TAFA5: variants seen among roughly 807,000 people sequenced by gnomAD.
The protein encoded by TAFA5 is chemokine-like protein TAFA-5.
Under a neutral mutation model 15.3 loss-of-function variants are expected in TAFA5, and 6 were observed. The ratio of observed to expected loss-of-function variants is 0.39; its 90% CI spans 0.21 to 0.77. The LOEUF is 0.77. Ranked by LOEUF, TAFA5 falls within the 30% of genes least tolerant of loss-of-function variation. The pLI, the probability that TAFA5 is intolerant of heterozygous loss-of-function variation, is 0.41. For synonymous variants in TAFA5, 103 were observed against 80.7 expected (o/e 1.28, Z -1.48); for missense variants, 161 against 193.1 (o/e 0.83, Z 0.98).
At chr22:48,656,728 A>T (rs868357810) in intron 2 of TAFA5, among the ~76,000 whole-genome samples, 20 of 96,576 alleles carry the variant, frequency 2.1e-4, no homozygotes, top group African/African-American at 6.8e-4. Context: ...ATGGAGTCTC[A>T]TTTTTTTTTC....
At chr22:48,687,339 A>G (rs995191029) in intron 2 of TAFA5, among the ~76,000 whole-genome samples, 1 of 147,788 alleles carries the variant, frequency 6.8e-6, no homozygotes, top group African/African-American at 2.5e-5. Flanking sequence ...AGGTGGATGG[A>G]TGGATTAGTG....
intron 1 of TAFA5, among the ~76,000 whole-genome samples, chr22:48,582,807 AAATACACCACACACCACACAC>A (rs1392151069): frequency 5.4e-5 from 6 of 111,068 alleles, no homozygotes; most frequent in African/African-American, 1.8e-4. Flanking sequence ...ACCACACATG[AAATACACCACACACCACACAC>A]AATAAACCAC....
intron 1 of TAFA5, among the ~76,000 whole-genome samples, chr22:48,557,638 TCCCTGAAGATG>T (rs2147130195): frequency 6.6e-6 from 1 of 152,252 alleles, no homozygotes; most frequent in East Asian, 1.9e-4. Context: ...TAGCTAAGGC[TCCCTGAAGATG>T]CCAGGCCACA....
At chr22:48,524,921 C>A (rs1481844904) in intron 1 of TAFA5, among the ~76,000 whole-genome samples, 1 of 152,150 alleles carries the variant, frequency 6.6e-6, no homozygotes, top group Non-Finnish European at 1.5e-5. Context: ...GCGCGGGTTT[C>A]CTGTGGGTAG....
At chr22:48,523,068 G>A (rs1304076738) in intron 1 of TAFA5, among the ~76,000 whole-genome samples, 2 of 152,206 alleles carry the variant, frequency 1.3e-5, no homozygotes, top group African/African-American at 4.8e-5. Flanking sequence ...GTGGAGGATG[G>A]CCAGGCTGGA....
chr22:48,626,447 A>G (rs1421758695), intron 1 of TAFA5, among the ~76,000 whole-genome samples: 1 of 152,130 alleles, frequency 6.6e-6, no homozygotes, highest in Non-Finnish European at 1.5e-5. Flanking sequence ...ATGGCAGATG[A>G]TGTTGAGCAA....
intron 1 of TAFA5, among the ~76,000 whole-genome samples, chr22:48,641,578 C>T (rs958894539): frequency 4.1e-5 from 6 of 145,690 alleles, no homozygotes; most frequent in African/African-American, 7.6e-5. Context: ...TCCCCCTGCA[C>T]GCCCTCCCCT....
At chr22:48,509,401 C>T (rs548577938) in intron 1 of TAFA5, among the ~76,000 whole-genome samples, 220 of 152,312 alleles carry the variant, frequency 1.4e-3, no homozygotes, top group Admixed American at 3.0e-3. Context: ...TTGTCCACAA[C>T]GGCTGTACTG....
intron 1 of TAFA5, among the ~76,000 whole-genome samples, chr22:48,619,443 C>T (rs922086919): frequency 1.3e-5 from 2 of 152,252 alleles, no homozygotes; most frequent in African/African-American, 4.8e-5. Flanking sequence ...GCAACCTCCG[C>T]CTCCCAGGTT....
At chr22:48,712,433 C>T (rs1225814917) in intron 3 of TAFA5, among the ~76,000 whole-genome samples, 5 of 152,200 alleles carry the variant, frequency 3.3e-5, no homozygotes, top group Non-Finnish European at 7.3e-5. Flanking sequence ...TCATGACCAG[C>T]ATTTAAAAGG....
chr22:48,624,207 T>C (rs1925948854), intron 1 of TAFA5, among the ~76,000 whole-genome samples: 1 of 152,218 alleles, frequency 6.6e-6, no homozygotes, highest in Non-Finnish European at 1.5e-5. Flanking sequence ...AATCGGGCTG[T>C]GGGTGTTTGG....
At chr22:48,562,622 C>G (rs1923277007) in intron 1 of TAFA5, among the ~76,000 whole-genome samples, 1 of 152,128 alleles carries the variant, frequency 6.6e-6, no homozygotes, top group Non-Finnish European at 1.5e-5. Context: ...CCCCCGGGGC[C>G]CGGTCACAGC....
rs143595763 is a variant in TAFA5 at position 48,672,179 on chromosome 22, G to A, written c.262+25433G>A. Among the ~76,000 whole-genome samples the A allele has an allele frequency of 8.3e-3, 1,271 of 152,306 alleles. 19 individuals are homozygous for A. Among genetic ancestry groups the A allele is most frequent in the African/African-American group, 0.029 (1,191 of 41,566 alleles). ...GTCAACAGCCTTTGTTCTTGGCTTG[G>A]TTTTTGGACTCCTGATTGTTAAGCC... On this transcript the variant is annotated intron_variant, in intron 2 of 3. Coordinates refer to ENST00000402357, the MANE Select transcript of TAFA5 (RefSeq NM_001082967.3).
chr22:48,721,320 A>C (rs1946125872), intron 3 of TAFA5, among the ~76,000 whole-genome samples: 1 of 152,004 alleles, frequency 6.6e-6, no homozygotes, highest in South Asian at 2.1e-4. Context: ...CATGCCACCC[A>C]CTGCCTTCGT....
At position 48,560,258 on chromosome 22, in the gene TAFA5, G is replaced by C. The variant is rs990181663; in HGVS notation, c.112+70554G>C. On this transcript the variant is annotated intron_variant, in intron 1 of 3. Coordinates refer to ENST00000402357, the MANE Select transcript of TAFA5 (RefSeq NM_001082967.3). The surrounding 1 kb of genome is among the most constrained non-coding windows in gnomAD (Gnocchi z 4.2). ...GCGTCTGTCCCTGTCGTGCGCCCAG[G>C]CTGGTGCCGTCAGGCTCCCGGCATT... Among the ~76,000 whole-genome samples, 1 of 152,234 alleles carries C rather than the reference G, an allele frequency of 6.6e-6. No homozygotes were observed. The highest frequency in any genetic ancestry group is 2.4e-5 in the African/African-American group (1 of 41,452).
chr22:48,526,275 T>A (rs1332600170), intron 1 of TAFA5, among the ~76,000 whole-genome samples: 1 of 152,226 alleles, frequency 6.6e-6, no homozygotes, highest in African/African-American at 2.4e-5. Flanking sequence ...GCCATCTGTG[T>A]CTTTGGGGAG....
chr22:48,513,218 G>C (rs1260010554), intron 1 of TAFA5, among the ~76,000 whole-genome samples: 1 of 152,230 alleles, frequency 6.6e-6, no homozygotes, highest in African/African-American at 2.4e-5. Context: ...CTCCGCATTG[G>C]TGATAAGAGC....
chr22:48,678,336 A>G (rs1928041820), intron 2 of TAFA5, among the ~76,000 whole-genome samples: 1 of 152,318 alleles, frequency 6.6e-6, no homozygotes, highest in South Asian at 2.1e-4. Context: ...GCAGTGGTAC[A>G]GGCAGCCAGC....
At chr22:48,678,325 T>C (rs7288046) in intron 2 of TAFA5, among the ~76,000 whole-genome samples, 12,242 of 152,184 alleles carry the variant, frequency 0.08, 1,608 homozygotes, top group African/African-American at 0.28. Context: ...CACACCTGGA[T>C]GCAGTGGTAC....
Sources: allele counts gnomAD v4.1 joint callset (sites outside exome capture counted in the v4.1 genomes callset), GRCh38; gene constraint gnomAD v4.1.1; non-coding constraint Gnocchi (gnomAD v3.1); transcripts MANE v1.5; gene names NCBI Gene and HGNC (gene_info 2026-07-23, HGNC 2026-07-21).